The following BTG4 variants were observed in gnomAD, a reference collection of about 807,000 sequenced individuals.
BTG4 encodes protein BTG4.
A neutral mutation model predicts 19.3 loss-of-function variants in BTG4; 10 were observed. That is an observed-to-expected ratio of 0.52 (90% CI 0.32 to 0.88). BTG4 has a LOEUF of 0.88. BTG4 is among the 40% of genes least tolerant of loss of function. The pLI, the probability that BTG4 is intolerant of heterozygous loss-of-function variation, is 0.04. For missense variants in BTG4, 238 were observed against 281.9 expected (o/e 0.84, Z 1.11); for synonymous variants, 91 against 95.7 (o/e 0.95, Z 0.29).
chr11:111,403,610 A>C, the BTG4 span, among the ~76,000 whole-genome samples: 1 of 152,208 alleles, frequency 6.6e-6, no homozygotes, highest in Non-Finnish European at 1.5e-5. Flanking sequence ...ATTTTCAGCA[A>C]GTCACTCCCT....
chr11:111,455,906 GC>G, the BTG4 span: 4 of 431,286 alleles, frequency 9.3e-6, no homozygotes, highest in Non-Finnish European at 1.9e-5. Flanking sequence ...CTCAGCCAGG[GC>G]CCCCCAGGAA....
the BTG4 span, among the ~76,000 whole-genome samples, chr11:111,391,001 T>G: frequency 6.6e-6 from 1 of 152,344 alleles, no homozygotes; most frequent in South Asian, 2.1e-4. Flanking sequence ...AGACTTCTGG[T>G]GCAAGGAAGC....
At chr11:111,446,593 A>G in the BTG4 span, among the ~76,000 whole-genome samples, 1 of 151,684 alleles carries the variant, frequency 6.6e-6, no homozygotes, top group Admixed American at 6.6e-5. Flanking sequence ...CTTACTTCCT[A>G]TAAAAAATAA....
intron 5 of BTG4, among the ~76,000 whole-genome samples, chr11:111,488,208 A>G (rs1017732431): frequency 2.0e-5 from 3 of 152,250 alleles, no homozygotes; most frequent in African/African-American, 7.2e-5. Context: ...AAATTATACT[A>G]CAGAGCTATA....
the BTG4 span, among the ~76,000 whole-genome samples, chr11:111,409,143 A>G: frequency 6.6e-6 from 1 of 152,212 alleles, no homozygotes; most frequent in Admixed American, 6.5e-5. Flanking sequence ...GACTGCATAT[A>G]TTTCCTCTGA....
chr11:111,495,362 T>C lies in BTG4; in HGVS notation c.511-48A>G, dbSNP rs756999494. On this transcript the variant is annotated intron_variant, in intron 4 of 4. Transcript: ENST00000692032. ...TCTCTAATAAGCTAGCTGTAAGGAC[T>C]AAATATGAACCCATAATTCAAAAGT... 6 of 1,492,696 alleles carry C rather than the reference T, an allele frequency of 4.0e-6. No individual in the cohort carries two copies. In the South Asian group the frequency reaches 7.0e-5, roughly 18 times the overall value. The allele number at this position is 1,492,696 out of a possible 1,614,324, so 92.5% of individuals were successfully genotyped here. A position where few individuals can be genotyped will look rare whatever the true frequency, so the allele number is the denominator to read the frequency against.
At chr11:111,397,938 T>C in the BTG4 span, 19 of 152,320 alleles carry the variant, frequency 1.2e-4, 1 homozygote, top group East Asian at 3.5e-3. Flanking sequence ...TTCCATGATC[T>C]CTAATTCAGT....
intron 3 of BTG4, among the ~76,000 whole-genome samples, chr11:111,497,658 G>C (rs1427281691): frequency 6.6e-6 from 1 of 152,114 alleles, no homozygotes; most frequent in Non-Finnish European, 1.5e-5. Context: ...ATTGTCCCAT[G>C]GTAGATAACT....
chr11:111,394,468 CTT>C, the BTG4 span, among the ~76,000 whole-genome samples: 2 of 152,218 alleles, frequency 1.3e-5, no homozygotes, highest in Non-Finnish European at 2.9e-5. Context: ...CTCATTCTCT[CTT>C]GTCTGCCGTC....
chr11:111,405,176 C>T, the BTG4 span, among the ~76,000 whole-genome samples: 1,524 of 152,078 alleles, frequency 0.01, 18 homozygotes, highest in African/African-American at 0.032. Context: ...GAGGCCGAGG[C>T]GGGTGGATCA....
At chr11:111,486,839 G>A (rs1361473846) in intron 5 of BTG4, among the ~76,000 whole-genome samples, 1 of 152,010 alleles carries the variant, frequency 6.6e-6, no homozygotes, top group East Asian at 1.9e-4. Context: ...TTCAAGTTTG[G>A]TGATACATGT....
intron 4 of BTG4, chr11:111,496,700 C>T (rs532303719): frequency 6.3e-4 from 97 of 153,206 alleles, no homozygotes; most frequent in African/African-American, 2.2e-3. Context: ...GCATTGGGAG[C>T]ATTGCTCCTA....
At chr11:111,454,892 A>G in the BTG4 span, 1 of 430,392 alleles carries the variant, frequency 2.3e-6, no homozygotes, top group Non-Finnish European at 4.8e-6. Flanking sequence ...GGGCGCTGCA[A>G]TCACAACAGT....
the BTG4 span, among the ~76,000 whole-genome samples, chr11:111,460,770 C>T: frequency 2.6e-5 from 4 of 152,178 alleles, no homozygotes; most frequent in Non-Finnish European, 5.9e-5. Context: ...AAATGCAAGA[C>T]TTTAAATTTT....
At chr11:111,416,570 A>C in the BTG4 span, 1 of 151,938 alleles carries the variant, frequency 6.6e-6, no homozygotes, top group African/African-American at 2.4e-5. Context: ...CTTGGCTCTC[A>C]CTCGTTATTA....
the BTG4 span, among the ~76,000 whole-genome samples, chr11:111,409,802 T>C: frequency 2.6e-5 from 4 of 152,268 alleles, no homozygotes; most frequent in African/African-American, 7.2e-5. Context: ...GCATATGAAA[T>C]GCTGTGTGCT....
chr11:111,513,070 G>A, upstream of BTG4: 1 of 445,450 alleles, frequency 2.2e-6, no homozygotes, highest in Non-Finnish European at 4.8e-6. Flanking sequence ...CGGGCAGCCC[G>A]CAGCCTTCGA....
chr11:111,429,014 T>A, the BTG4 span, among the ~76,000 whole-genome samples: 1 of 152,210 alleles, frequency 6.6e-6, no homozygotes, highest in East Asian at 1.9e-4. Flanking sequence ...ATTTGTCCCA[T>A]CCTCACAACT....
At chr11:111,384,736 A>T in the BTG4 span, 1 of 152,200 alleles carries the variant, frequency 6.6e-6, no homozygotes, top group African/African-American at 2.4e-5. Flanking sequence ...GCAAAAGGTA[A>T]TCAAATACTG....
Sources: gnomAD v4.1 joint callset for allele counts (sites outside exome capture counted in the v4.1 genomes callset) on GRCh38, gnomAD v4.1.1 for gene constraint, MANE v1.5 for transcripts, NCBI Gene and HGNC (gene_info 2026-07-23, HGNC 2026-07-21) for gene names.